SV2B: variants seen among roughly 807,000 people sequenced by gnomAD.
SV2B encodes synaptic vesicle glycoprotein 2B.
SV2B carries 41 observed loss-of-function variants against 73.9 expected under a neutral mutation model. The ratio of observed to expected loss-of-function variants is 0.56; its 90% confidence interval spans 0.43 to 0.72. The LOEUF is 0.72. Ranked by LOEUF, SV2B falls within the 30% of genes least tolerant of loss-of-function variation. The pLI is 0.00. For synonymous variants in SV2B, 314 were observed against 314.2 expected, an observed-to-expected ratio of 1.00 and a Z score of 0.01; for missense variants, 764 against 857.8, an observed-to-expected ratio of 0.89 and a Z score of 1.37.
At chr15:91,131,441 T>TTGTGTGTG (rs750865385) in intron 1 of SV2B, among the ~76,000 whole-genome samples, 1 of 151,528 alleles carries the variant, frequency 6.6e-6, no homozygotes, top group Admixed American at 6.6e-5. Flanking sequence ...ACATATATGT[T>TTGTGTGTG]TGTGTGTGTA....
chr15:91,246,741 C>CCTT (rs2047245803), intron 2 of SV2B, among the ~76,000 whole-genome samples: 1 of 151,740 alleles, frequency 6.6e-6, no homozygotes, highest in Non-Finnish European at 1.5e-5. Context: ...TCCTCCTCCT[C>CCTT]CTCCTCCTTC....
intron 2 of SV2B, among the ~76,000 whole-genome samples, chr15:91,250,609 T>C (rs1216546318): frequency 6.6e-6 from 1 of 152,090 alleles, no homozygotes; most frequent in Admixed American, 6.5e-5. Flanking sequence ...AATAAACAAA[T>C]TCAGTAAAGG....
intron 1 of SV2B, among the ~76,000 whole-genome samples, chr15:91,196,388 G>A (rs2045246254): frequency 6.6e-6 from 1 of 152,252 alleles, no homozygotes; most frequent in African/African-American, 2.4e-5. Flanking sequence ...TAGGAGTGAT[G>A]TATTATGTCT....
At chr15:91,116,776 A>G (rs1179087051) in intron 1 of SV2B, among the ~76,000 whole-genome samples, 1 of 152,212 alleles carries the variant, frequency 6.6e-6, no homozygotes, top group East Asian at 1.9e-4. Flanking sequence ...ATAAAGAAAA[A>G]GAGGTTTAAT....
chr15:91,224,428 G>A lies in SV2B; in HGVS notation c.-391-1445G>A, dbSNP rs1166593408. On this transcript the variant is annotated intron_variant, in intron 1 of 12. Transcript: ENST00000394232. This position sits in a 1 kb window ranked among gnomAD's most constrained non-coding sequence, Gnocchi z 4.9. ...GGTAGGGGGTGTAGGAGGGGCTGACGCCTAGCCCTGAGGGGCTACTCAGTG... is the reference window on the plus strand; with the variant it reads ...GGTAGGGGGTGTAGGAGGGGCTGACACCTAGCCCTGAGGGGCTACTCAGTG... 2.0e-5 allele frequency among the ~76,000 whole-genome samples: 3 copies of A among 152,162 alleles called. No individual in the cohort carries two copies. The highest frequency in any genetic ancestry group is 7.2e-5 in the African/African-American group (3 of 41,426).
At chr15:91,101,810 C>T (rs1410149544) in intron 1 of SV2B, 1 of 152,112 alleles carries the variant, frequency 6.6e-6, no homozygotes, top group Non-Finnish European at 1.5e-5. Flanking sequence ...TGTGACTAGA[C>T]CCCAGTAGAC....
At position 91,129,492 on chromosome 15, in the gene SV2B, C is replaced by T. The variant is rs2141147050; in HGVS notation, c.-392+29129C>T. On this transcript the variant is annotated intron_variant, in intron 1 of 12. Coordinates refer to ENST00000394232, the MANE Select transcript of SV2B (RefSeq NM_001323032.3). This position sits in a 1 kb window ranked among gnomAD's most constrained non-coding sequence, Gnocchi z 5.1. ...AGCAAAGATGTATGTCTTGGAAAAG[C>T]CCAGAACCGGAGTATGGCCCTAGTG... 6.6e-6 allele frequency among the ~76,000 whole-genome samples: 1 copy of T among 152,226 alleles called. No homozygotes were observed. The highest frequency in any genetic ancestry group is 1.5e-5 in the Non-Finnish European group (1 of 68,008).
Position 91,278,540 on chromosome 15 carries a change from G to A in SV2B, c.1374-3188G>A, listed in dbSNP as rs1489143584. ...AAAAAATACAAAAAATTAGCCGGGC[G>A]CGGTGGCGGGTGCCTGTAGTCCCAG... On this transcript the variant is annotated intron_variant, in intron 9 of 12. Coordinates refer to ENST00000394232, the MANE Select transcript of SV2B (RefSeq NM_001323032.3). 1.2e-4 allele frequency among the ~76,000 whole-genome samples: 18 copies of A among 149,404 alleles called. 1 individual carries two copies. Among genetic ancestry groups the A allele is most frequent in the South Asian group, 2.1e-4 (1 of 4,742 alleles).
In SV2B at chr15:91,135,369, C is replaced by T. The variant is rs149227003; in HGVS notation, c.-392+35006C>T. ...TGAATCTTTCACTCTTCCCGCTTCA[C>T]CTCAGATTCTCCCGTGTCGGGGGTG... On this transcript the variant is annotated intron_variant, in intron 1 of 12. Coordinates refer to ENST00000394232, the MANE Select transcript of SV2B (RefSeq NM_001323032.3). Among the ~76,000 whole-genome samples the T allele has an allele frequency of 2.2e-3, 329 of 152,330 alleles. 1 individual carries two copies. The highest frequency in any genetic ancestry group is 3.4e-3 in the Non-Finnish European group (230 of 68,026).
intron 1 of SV2B, among the ~76,000 whole-genome samples, chr15:91,131,322 A>C (rs780450351): frequency 5.2e-4 from 79 of 151,618 alleles, no homozygotes; most frequent in Non-Finnish European, 1.0e-3. Context: ...CGGGGAATAA[A>C]ACTAAGCACA....
At position 91,198,044 on chromosome 15, in the gene SV2B, A is replaced by T. The variant is rs2045315931; in HGVS notation, c.-391-27829A>T. Among the ~76,000 whole-genome samples, 3 of 152,072 alleles carry T rather than the reference A, an allele frequency of 2.0e-5. No individual in the cohort carries two copies. The South Asian group carries it at 6.2e-4, about 31-fold the overall frequency. On this transcript the variant is annotated intron_variant, in intron 1 of 12. Transcript: ENST00000394232. ...AGCGAGAGTCCGTCTCAAAACAAAC[A>T]AACAAAAATACACAAAACCTATTTG... is the stretch of plus-strand genomic sequence containing the variant.
chr15:91,123,247 A>G lies in SV2B; in HGVS notation c.-392+22884A>G, dbSNP rs1224360125. Among the ~76,000 whole-genome samples, 2 of 152,224 alleles carry G rather than the reference A, an allele frequency of 1.3e-5. No individual in the cohort carries two copies. Among genetic ancestry groups the G allele is most frequent in the African/African-American group, 2.4e-5 (1 of 41,460 alleles). On this transcript the variant is annotated intron_variant, in intron 1 of 12. Coordinates refer to ENST00000394232, the MANE Select transcript of SV2B (RefSeq NM_001323032.3). This position sits in a 1 kb window ranked among gnomAD's most constrained non-coding sequence, Gnocchi z 4.7. ...AGCCATGTTCATACCACTGCATTGC[A>G]GCCTGGTAACAGAGCAAGACCTTGT...
chr15:91,230,196 G>A (rs968737744), intron 2 of SV2B, among the ~76,000 whole-genome samples: 1 of 150,658 alleles, frequency 6.6e-6, no homozygotes, highest in African/African-American at 2.4e-5. Context: ...AGCTATCATT[G>A]TGCCACTGTA....
chr15:91,189,139 A>C (rs988901171), intron 1 of SV2B, among the ~76,000 whole-genome samples: 3 of 151,590 alleles, frequency 2.0e-5, no homozygotes, highest in African/African-American at 7.3e-5. Flanking sequence ...TTTCTACCTC[A>C]GTTTTTTTTC....
In SV2B at chr15:91,226,379, A is replaced by G. The variant is rs1368553103; in HGVS notation, c.116A>G (p.His39Arg). The stretch of plus-strand genomic sequence containing the variant: ...GCACAGAGTGATGTCACCGAAGGCC[A>G]TGATGAGGAAGACGAGATCTATGAG... ...EDAQSDVTEG[H>R]DEEDEIYEGE... The change falls in exon 2 of 13, where the codon CAT becomes CGT. Residue 39 changes from histidine to arginine, a missense_variant. Transcript: ENST00000394232. 12 of 1,614,088 alleles carry G rather than the reference A, an allele frequency of 7.4e-6. No homozygotes were observed. The highest frequency in any genetic ancestry group is 1.0e-5 in the Non-Finnish European group (12 of 1,180,024).
chr15:91,277,315 C>G (rs922227208), intron 9 of SV2B, among the ~76,000 whole-genome samples: 2 of 152,130 alleles, frequency 1.3e-5, no homozygotes, highest in African/African-American at 4.8e-5. Context: ...ACCTTAGAAA[C>G]TTTTTGAAAC....
rs2042002440 is a variant in SV2B at position 91,110,330 on chromosome 15, G to A, written c.-392+9967G>A. On this transcript the variant is annotated intron_variant, in intron 1 of 12. Coordinates refer to ENST00000394232, the MANE Select transcript of SV2B (RefSeq NM_001323032.3). This position sits in a 1 kb window ranked among gnomAD's most constrained non-coding sequence, Gnocchi z 5.4. ...TGTATGAGAGGCCAAGAGAGAACAG[G>A]AAAACGGGGTGTGGGTCCCCTACAC... Among the ~76,000 whole-genome samples the A allele has an allele frequency of 6.6e-6, 1 of 152,154 alleles. No individual in the cohort carries two copies. Among genetic ancestry groups the A allele is most frequent in the Non-Finnish European group, 1.5e-5 (1 of 68,018 alleles).
rs1299719791 is a variant in SV2B at position 91,130,384 on chromosome 15, A to G, written c.-392+30021A>G. ...TTACGTGCTTGGCTAGGGCTGAAGC[A>G]TCATGTGGCAGAAGTGGCTGAAATC... On this transcript the variant is annotated intron_variant, in intron 1 of 12. Coordinates refer to ENST00000394232, the MANE Select transcript of SV2B (RefSeq NM_001323032.3). The surrounding 1 kb of genome is among the most constrained non-coding windows in gnomAD (Gnocchi z 5.6). Among the ~76,000 whole-genome samples, 2 of 152,224 alleles carry G rather than the reference A, an allele frequency of 1.3e-5. No homozygotes were observed. The highest frequency in any genetic ancestry group is 2.9e-5 in the Non-Finnish European group (2 of 68,042).
chr15:91,182,580 C>A (rs1179387723), intron 1 of SV2B, among the ~76,000 whole-genome samples: 1 of 152,148 alleles, frequency 6.6e-6, no homozygotes, highest in Non-Finnish European at 1.5e-5. Context: ...TTCTGAGCCC[C>A]ACACTTTACC....
Sources: gnomAD v4.1 joint callset for allele counts (sites outside exome capture counted in the v4.1 genomes callset) on GRCh38, gnomAD v4.1.1 for gene constraint, Gnocchi (gnomAD v3.1) non-coding constraint, MANE v1.5 for transcripts, NCBI Gene and HGNC (gene_info 2026-07-23, HGNC 2026-07-21) for gene names.